The following POSTN variants were observed in gnomAD, a reference collection of about 807,000 sequenced individuals.
The protein encoded by POSTN is periostin, also known as osteoblast specific factor 2 (fasciclin I-like).
In POSTN, 71 loss-of-function variants were observed where a neutral mutation model predicts 104.5. The observed-to-expected ratio is 0.68, with a 90% CI of 0.56 to 0.83. The LOEUF is 0.83. Among genes scored for constraint, POSTN ranks in the 40% least tolerant of loss-of-function variants. POSTN has a pLI of 0.00. For synonymous variants in POSTN, 355 were observed against 340.7 expected (o/e 1.04, Z -0.46); for missense variants, 949 against 1,006.8 (o/e 0.94, Z 0.78).
rs550888204 is a variant in POSTN at position 37,592,443 on chromosome 13, C to T, written c.219-279G>A. On this transcript the variant is annotated intron_variant, in intron 2 of 22. Coordinates refer to ENST00000379747, the MANE Select transcript of POSTN (RefSeq NM_006475.3). ...CCTCCCGAGTAGCTGGGACTACAGG[C>T]GCCTACCACCACGCCTGGCTAATTT... Among the ~76,000 whole-genome samples the T allele has an allele frequency of 1.9e-3, 282 of 152,164 alleles. 1 individual carries two copies. The highest frequency in any genetic ancestry group is 6.5e-3 in the African/African-American group (272 of 41,540).
At chr13:37,598,372 A>G (rs1951145879) in intron 1 of POSTN, among the ~76,000 whole-genome samples, 1 of 152,212 alleles carries the variant, frequency 6.6e-6, no homozygotes, top group African/African-American at 2.4e-5. Flanking sequence ...TTAGAATTAT[A>G]TAACATTTCA....
chr13:37,576,600 A>G (rs1593327581), intron 16 of POSTN, among the ~76,000 whole-genome samples: 1 of 98,306 alleles, frequency 1.0e-5, no homozygotes, highest in Non-Finnish European at 2.8e-5. Flanking sequence ...GGGAATGTGT[A>G]TATATATATA....
At chr13:37,576,159 T>A (rs1950403801) in intron 16 of POSTN, among the ~76,000 whole-genome samples, 1 of 152,134 alleles carries the variant, frequency 6.6e-6, no homozygotes, top group Non-Finnish European at 1.5e-5. Flanking sequence ...AAAAACAGCA[T>A]CCTTCCCCTC....
intron 7 of POSTN, 125 bp from the exon 8 acceptor site, chr13:37,585,053 A>C: frequency 7.1e-7 from 1 of 1,417,036 alleles, no homozygotes; most frequent in Non-Finnish European, 9.3e-7. Flanking sequence ...GGATTCACTA[A>C]CAGCTTTAAA....
rs563051740 is a variant in POSTN, at chr13:37,581,164, C to T, written c.1393-467G>A. ...ATTGACATATTCATAGCTTTTTGAA[C>T]GAACGTGATATATATATACACACAT... On this transcript the variant is annotated intron_variant, in intron 10 of 22. Coordinates refer to ENST00000379747, the MANE Select transcript of POSTN (RefSeq NM_006475.3). 3.3e-5 allele frequency among the ~76,000 whole-genome samples: 5 copies of T among 152,158 alleles called. No homozygotes were observed. In the South Asian group the frequency reaches 6.2e-4, roughly 19 times the overall value.
At chr13:37,580,465 C>T (rs1950546504) in intron 11 of POSTN, 96 bp downstream of exon 11, 4 of 1,342,740 alleles carry the variant, frequency 3.0e-6, no homozygotes, top group African/African-American at 2.9e-5. Flanking sequence ...CATTTTCAAC[C>T]ACATAGGAGA....
chr13:37,579,392 TA>T, intron 12 of POSTN, 33 bp from the exon 13 acceptor site: 1 of 1,493,108 alleles, frequency 6.7e-7, no homozygotes. Flanking sequence ...TTTTATTGAA[TA>T]ATATGACTTT....
chr13:37,573,869 G>A (rs1384732234), intron 17 of POSTN, among the ~76,000 whole-genome samples: 1 of 151,520 alleles, frequency 6.6e-6, no homozygotes, highest in East Asian at 1.9e-4. Flanking sequence ...CATAGTGGGA[G>A]TAGAGAGAAA....
chr13:37,565,592 A>C (rs139002006), intron 21 of POSTN: 1 of 152,232 alleles, frequency 6.6e-6, no homozygotes, highest in East Asian at 1.9e-4. Flanking sequence ...AATAACATTC[A>C]AAACAACTTA....
intron 21 of POSTN, among the ~76,000 whole-genome samples, chr13:37,565,757 A>G (rs1370114872): frequency 6.6e-6 from 1 of 152,144 alleles, no homozygotes; most frequent in Non-Finnish European, 1.5e-5. Context: ...AAGTCTGTGT[A>G]AAACAACCAA....
At position 37,597,342 on chromosome 13, in the gene POSTN, C is replaced by G. The variant is rs570308344; in HGVS notation, c.120-60G>C. 79 of 1,095,076 alleles carry G rather than the reference C, an allele frequency of 7.2e-5. No homozygotes were observed. The South Asian group carries it at 1.1e-3, about 16-fold the overall frequency. 67.8% of individuals were successfully genotyped at this position (1,095,076 alleles called of 1,614,324 possible). Reference sequence around the variant, plus strand: ...CCTAATAATGACTAGTTTTTCGTATCTAAAGATTGGTTGATAGAAGAAAAT... The same window carrying G: ...CCTAATAATGACTAGTTTTTCGTATGTAAAGATTGGTTGATAGAAGAAAAT... On this transcript the variant is annotated intron_variant, in intron 1 of 22. Transcript: ENST00000379747.
At chr13:37,577,654 A>G (rs1217517590) in intron 16 of POSTN, 99 bp downstream of exon 16, 15 of 1,469,460 alleles carry the variant, frequency 1.0e-5, no homozygotes, top group Admixed American at 4.6e-5. Flanking sequence ...GGAATTCTAA[A>G]TACCAGATTA....
intron 2 of POSTN, among the ~76,000 whole-genome samples, chr13:37,593,568 A>G (rs534884294): frequency 3.3e-4 from 50 of 151,574 alleles, no homozygotes; most frequent in Non-Finnish European, 6.5e-4. Flanking sequence ...ATTATAGATT[A>G]ATTATTTTGC....
Position 37,569,766 on chromosome 13 carries a change from A to G in POSTN, c.2325T>C (p.Thr775=), listed in dbSNP as rs898373291. 6.2e-7 allele frequency: 1 copy of G among 1,602,354 alleles called. No individual in the cohort carries two copies. Among genetic ancestry groups the G allele is most frequent in the East Asian group, 2.2e-5 (1 of 44,752 alleles). Residue 775 remains threonine, a synonymous_variant, in exon 20 of 23, where the codon ACT becomes ACC. Coordinates refer to ENST00000379747, the MANE Select transcript of POSTN (RefSeq NM_006475.3). ...GACCTTCTTGTAACAATTTCTTCAG[A>G]GTTTCTTCTGTTTCTCCACCTCCAG... The part of the protein sequence containing the change: ...ISTGGGETEE[T]LKKLLQEEVT...
chr13:37,583,032 A>T (rs1375859370), intron 9 of POSTN, among the ~76,000 whole-genome samples: 1 of 152,212 alleles, frequency 6.6e-6, no homozygotes, highest in Non-Finnish European at 1.5e-5. Flanking sequence ...TAGTTTTTAT[A>T]TCACAATTTA....
At chr13:37,582,273 A>G in intron 10 of POSTN, 93 bp downstream of exon 10, 1 of 1,395,406 alleles carries the variant, frequency 7.2e-7, no homozygotes, top group Non-Finnish European at 9.7e-7. Context: ...TACTATTAGA[A>G]CCACACTCAT....
In POSTN at chr13:37,587,850, C is replaced by A. The variant is rs767987914; in HGVS notation, c.578G>T (p.Gly193Val). The change falls in exon 5 of 23, where the codon GGG becomes GTG. Residue 193 changes from glycine to valine, a missense_variant. Gly to Val is a moderately radical substitution (Grantham distance 109, BLOSUM62 -3). Coordinates refer to ENST00000379747, the MANE Select transcript of POSTN (RefSeq NM_006475.3). ...MIIPSMYNNL[G>V]LFINHYPNGV... ...ATTAGGATAATGGTTAATGAAAAGC[C>A]CCAAATTGTTATACATTGAAGGAAT... is the stretch of plus-strand genomic sequence containing the variant. 1.9e-6 allele frequency: 3 copies of A among 1,602,362 alleles called. No individual in the cohort carries two copies. Among genetic ancestry groups the A allele is most frequent in the Admixed American group, 3.4e-5 (2 of 59,416 alleles).
chr13:37,575,160 T>G (rs1215421833), intron 16 of POSTN, among the ~76,000 whole-genome samples: 1 of 151,946 alleles, frequency 6.6e-6, no homozygotes. Context: ...TCAGAATACT[T>G]AAAAGTAAGA....
chr13:37,582,624 A>G, intron 9 of POSTN, 110 bp from the exon 10 acceptor site: 1 of 1,070,800 alleles, frequency 9.3e-7, no homozygotes, highest in South Asian at 1.7e-5. Context: ...TATTGATATC[A>G]TGGATTTTGC....
Sources: allele counts gnomAD v4.1 joint callset (sites outside exome capture counted in the v4.1 genomes callset), GRCh38; gene constraint gnomAD v4.1.1; transcripts MANE v1.5; gene names NCBI Gene and HGNC (gene_info 2026-07-23, HGNC 2026-07-21).